Variants in ROPN1L observed in about 807,000 individuals in gnomAD.
ROPN1L encodes the protein ropporin-1-like protein.
ROPN1L carries 23 observed loss-of-function variants against 22.7 expected under a neutral mutation model. That is an observed-to-expected ratio of 1.01 (90% confidence interval 0.73 to 1.43). The LOEUF is 1.43. ROPN1L is among the 40% of genes most tolerant of loss of function. The pLI, the probability that ROPN1L is intolerant of heterozygous loss-of-function variation, is 0.00. For synonymous variants in ROPN1L, 116 were observed against 117.8 expected (o/e 0.98, Z 0.10); for missense variants, 271 against 291.5 (o/e 0.93, Z 0.51).
chr5:10,463,882 C>T (rs1579659176), intron 4 of ROPN1L, among the ~76,000 whole-genome samples: 1 of 152,196 alleles, frequency 6.6e-6, no homozygotes, highest in South Asian at 2.1e-4. Flanking sequence ...AGCACACACC[C>T]CTGCTCGCCT....
intron 3 of ROPN1L, among the ~76,000 whole-genome samples, chr5:10,455,401 G>A (rs1050182370): frequency 3.9e-5 from 6 of 152,332 alleles, no homozygotes; most frequent in African/African-American, 1.4e-4. Context: ...GGAGCCTGAG[G>A]CCACAGGCGT....
intron 3 of ROPN1L, among the ~76,000 whole-genome samples, chr5:10,457,388 G>A (rs964918205): frequency 5.9e-5 from 9 of 152,236 alleles, no homozygotes; most frequent in Non-Finnish European, 1.2e-4. Flanking sequence ...GATAGGCGAC[G>A]TCTGTGCCCC....
At chr5:10,480,121 C>T in the ROPN1L span, among the ~76,000 whole-genome samples, 1 of 152,246 alleles carries the variant, frequency 6.6e-6, no homozygotes, top group African/African-American at 2.4e-5. Context: ...AAAATAGGAA[C>T]TTCTTAGCTT....
chr5:10,445,884 C>T (rs1475639870), intron 1 of ROPN1L, among the ~76,000 whole-genome samples: 3 of 152,216 alleles, frequency 2.0e-5, no homozygotes, highest in Non-Finnish European at 4.4e-5. Flanking sequence ...GTTCACAACA[C>T]TCTACTCCAG....
chr5:10,455,872 C>CTTTTA, intron 3 of ROPN1L, among the ~76,000 whole-genome samples: 1 of 152,000 alleles, frequency 6.6e-6, no homozygotes, highest in African/African-American at 2.4e-5. Flanking sequence ...GGGTCAGAGG[C>CTTTTA]ACAGCTTCAC....
intron 3 of ROPN1L, among the ~76,000 whole-genome samples, chr5:10,460,398 A>T (rs1450900436): frequency 6.6e-6 from 1 of 152,234 alleles, no homozygotes; most frequent in Non-Finnish European, 1.5e-5. Flanking sequence ...CTCTGGTCTC[A>T]TGAAGACGAC....
chr5:10,476,587 GA>G, downstream of ROPN1L, among the ~76,000 whole-genome samples: 1 of 152,302 alleles, frequency 6.6e-6, no homozygotes, highest in East Asian at 1.9e-4. Flanking sequence ...ATGAAAAGAA[GA>G]AAATGATAAG....
chr5:10,473,621 CA>C, downstream of ROPN1L, among the ~76,000 whole-genome samples: 1 of 152,306 alleles, frequency 6.6e-6, no homozygotes, highest in Middle Eastern at 3.4e-3. Context: ...AGGAAATGAG[CA>C]CACTTATTAC....
chr5:10,455,980 A>G (rs1741410231), intron 3 of ROPN1L, among the ~76,000 whole-genome samples: 1 of 151,586 alleles, frequency 6.6e-6, no homozygotes, highest in Non-Finnish European at 1.5e-5. Flanking sequence ...TTTCATTTCC[A>G]TGCCAGCTGA....
At position 10,449,964 on chromosome 5, in the gene ROPN1L, CGGTATGTGG is replaced by C. The variant is rs1741199524; in HGVS notation, c.269_277del (p.Arg90_Glu93delinsGln). 4 of 1,608,858 alleles carry C rather than the reference CGGTATGTGG, an allele frequency of 2.5e-6. No individual in the cohort carries two copies. The highest frequency in any genetic ancestry group is 3.4e-6 in the Non-Finnish European group (4 of 1,178,262). On this transcript the variant is annotated inframe_deletion, in exon 3 of 5. Coordinates refer to ENST00000274134, the MANE Select transcript of ROPN1L (RefSeq NM_031916.5). The stretch of plus-strand genomic sequence containing the variant: ...GTTTTCCAAACAGTGTCACCACAAG[CGGTATGTGG>C]AATTAACAGATCTTGAGCAGAAGTG...
intron 4 of ROPN1L, among the ~76,000 whole-genome samples, chr5:10,462,244 T>C (rs1735046324): frequency 6.6e-6 from 1 of 152,222 alleles, no homozygotes; most frequent in South Asian, 2.1e-4. Context: ...CAGATTTTAC[T>C]TGTATGCCAG....
At chr5:10,448,479 A>G in intron 2 of ROPN1L, 96 bp downstream of exon 2, 1 of 1,436,800 alleles carries the variant, frequency 7.0e-7, no homozygotes. Flanking sequence ...CACCCCAGCA[A>G]TGTATTTCAA....
At chr5:10,465,809 G>A (rs576924497), downstream of ROPN1L, among the ~76,000 whole-genome samples, 5 of 152,268 alleles carry the variant, frequency 3.3e-5, no homozygotes, top group Admixed American at 6.5e-5. Flanking sequence ...CCGAGATCGC[G>A]CCACTGCACT....
At chr5:10,444,500 A>G (rs897823366) in intron 1 of ROPN1L, among the ~76,000 whole-genome samples, 2 of 149,522 alleles carry the variant, frequency 1.3e-5, no homozygotes, top group Admixed American at 6.7e-5. Context: ...CATGTTGGCC[A>G]GGCTAGTCTC....
chr5:10,464,708 T>C (rs1735119089), intron 4 of ROPN1L, 140 bp from the exon 5 acceptor site: 2 of 531,666 alleles, frequency 3.8e-6, no homozygotes, highest in Non-Finnish European at 6.7e-6. Context: ...TGCTTTATTT[T>C]TGGAAGTAAG....
chr5:10,477,249 CT>C, the ROPN1L span, among the ~76,000 whole-genome samples: 2 of 152,150 alleles, frequency 1.3e-5, no homozygotes, highest in African/African-American at 4.8e-5. Context: ...TAACCTTGAC[CT>C]TTTTCAACAT....
Position 10,450,030 on chromosome 5 carries a change from A to G in ROPN1L, c.334A>G (p.Lys112Glu), listed in dbSNP as rs990160865. ...CTTGTGCCTGCCGAAGGAAAAATTC[A>G]AAGCGCTCTTACAACTGGATCCTTG... ...KNLCLPKEKFKALLQLDPCEN... is the reference protein window; with the variant it reads ...KNLCLPKEKFEALLQLDPCEN... Residue 112 changes from lysine to glutamate, a missense_variant, in exon 3 of 5, where the codon AAA becomes GAA. Transcript: ENST00000274134. The G allele has an allele frequency of 1.9e-6, 3 of 1,614,064 alleles. No homozygotes were observed. The highest frequency in any genetic ancestry group is 2.7e-5 in the African/African-American group (2 of 75,058).
At chr5:10,457,191 C>T (rs902062291) in intron 3 of ROPN1L, among the ~76,000 whole-genome samples, 14 of 152,168 alleles carry the variant, frequency 9.2e-5, no homozygotes, top group African/African-American at 1.4e-4. Flanking sequence ...CATCATGTTG[C>T]CCTGGGAGCT....
downstream of ROPN1L, among the ~76,000 whole-genome samples, chr5:10,473,139 A>T (rs1302644657): frequency 6.6e-6 from 1 of 152,212 alleles, no homozygotes; most frequent in Non-Finnish European, 1.5e-5. Flanking sequence ...TGACTTTGAA[A>T]TCAGCCTTTT....
Sources: gnomAD v4.1 joint callset for allele counts (sites outside exome capture counted in the v4.1 genomes callset) on GRCh38, gnomAD v4.1.1 for gene constraint, MANE v1.5 for transcripts, NCBI Gene and HGNC (gene_info 2026-07-23, HGNC 2026-07-21) for gene names.